Variants in TBC1D5 observed in about 807,000 individuals in gnomAD.
TBC1D5 encodes the protein TBC1 domain family member 5, also known as TBC1 domain family, member 5.
Under a neutral mutation model 100.3 loss-of-function variants are expected in TBC1D5, and 75 were observed. The ratio of observed to expected loss-of-function variants is 0.75; its 90% CI spans 0.62 to 0.91. TBC1D5 has a LOEUF of 0.91. TBC1D5 is among the 40% of genes least tolerant of loss of function. TBC1D5 has a pLI of 0.00. For missense variants in TBC1D5, 910 were observed against 942.4 expected (o/e 0.97, Z 0.45); for synonymous variants, 323 against 325.6 (o/e 0.99, Z 0.09).
intron 3 of TBC1D5, among the ~76,000 whole-genome samples, chr3:17,440,806 A>C (rs773541606): frequency 2.0e-5 from 3 of 151,884 alleles, no homozygotes; most frequent in Non-Finnish European, 2.9e-5. Context: ...CATGCCCAGC[A>C]AATTTTTATA....
At chr3:17,410,776 A>G (rs1278583193) in intron 4 of TBC1D5, among the ~76,000 whole-genome samples, 1 of 152,176 alleles carries the variant, frequency 6.6e-6, no homozygotes, top group East Asian at 1.9e-4. Context: ...ATAATCTCAT[A>G]TATATAAAAC....
chr3:17,257,737 G>A (rs2077849478), intron 16 of TBC1D5, among the ~76,000 whole-genome samples: 1 of 152,162 alleles, frequency 6.6e-6, no homozygotes, highest in South Asian at 2.1e-4. Flanking sequence ...AACACATTGT[G>A]TATATGTATT....
At chr3:17,498,020 T>C (rs2095736422) in intron 3 of TBC1D5, among the ~76,000 whole-genome samples, 1 of 152,148 alleles carries the variant, frequency 6.6e-6, no homozygotes, top group African/African-American at 2.4e-5. Flanking sequence ...TAAATTATAT[T>C]CTAAATACTG....
At chr3:17,733,000 G>A (rs908239971) in intron 1 of TBC1D5, among the ~76,000 whole-genome samples, 2 of 152,120 alleles carry the variant, frequency 1.3e-5, no homozygotes, top group Admixed American at 1.3e-4. Context: ...AAAGCATATA[G>A]TACTCCTGAT....
chr3:17,487,438 T>G (rs1576309137), intron 3 of TBC1D5, among the ~76,000 whole-genome samples: 1 of 152,200 alleles, frequency 6.6e-6, no homozygotes, highest in African/African-American at 2.4e-5. Flanking sequence ...CTTTGCTCAC[T>G]AATTAACAAG....
chr3:17,338,310 C>G (rs936301981), intron 13 of TBC1D5: 1 of 152,114 alleles, frequency 6.6e-6, no homozygotes, highest in Non-Finnish European at 1.5e-5. Flanking sequence ...CAGAAAAGCG[C>G]AGAGAAAACA....
At chr3:17,684,701 CTT>C (rs1015179596) in intron 1 of TBC1D5, among the ~76,000 whole-genome samples, 14 of 151,960 alleles carry the variant, frequency 9.2e-5, no homozygotes, top group Admixed American at 3.9e-4. Flanking sequence ...TTATAAAGCT[CTT>C]TGTCCATTTT....
At chr3:17,708,436 A>C (rs781227975) in intron 1 of TBC1D5, among the ~76,000 whole-genome samples, 1 of 152,198 alleles carries the variant, frequency 6.6e-6, no homozygotes, top group Non-Finnish European at 1.5e-5. Context: ...CTTTCTGTAC[A>C]AGTTTCTTTG....
At chr3:17,457,726 C>T (rs2095120596) in intron 3 of TBC1D5, among the ~76,000 whole-genome samples, 2 of 151,654 alleles carry the variant, frequency 1.3e-5, no homozygotes, top group Non-Finnish European at 1.5e-5. Flanking sequence ...CGTTCATATG[C>T]TTTTAACTTT....
rs7616796 is a variant in TBC1D5 at position 17,375,556 on chromosome 3, C to G, written c.702-877G>C. Among the ~76,000 whole-genome samples the G allele has an allele frequency of 1.0e-3, 148 of 145,574 alleles. 1 individual carries two copies. Among genetic ancestry groups the G allele is most frequent in the African/African-American group, 3.6e-3 (138 of 37,980 alleles). ...CATAGAGCAAGACTCTGTCTCAAAA[C>G]ATAAAATTTAAAAAAAAAAAAGGCA... is the stretch of plus-strand genomic sequence containing the variant. On this transcript the variant is annotated intron_variant, in intron 10 of 21. Coordinates refer to ENST00000253692, the Ensembl canonical transcript of TBC1D5.
chr3:17,431,061 TAATAA>T (rs1325617654), intron 3 of TBC1D5, among the ~76,000 whole-genome samples: 1 of 151,944 alleles, frequency 6.6e-6, no homozygotes, highest in Non-Finnish European at 1.5e-5. Context: ...GAGGTAAGTA[TAATAA>T]AATAAGTATT....
intron 13 of TBC1D5, among the ~76,000 whole-genome samples, chr3:17,323,356 C>T (rs1180915492): frequency 6.6e-6 from 1 of 152,094 alleles, no homozygotes; most frequent in Admixed American, 6.6e-5. Flanking sequence ...CACAAATATT[C>T]TTCACAAAAT....
At chr3:17,388,351 C>A (rs1470788190) in intron 8 of TBC1D5, among the ~76,000 whole-genome samples, 1 of 151,974 alleles carries the variant, frequency 6.6e-6, no homozygotes, top group Admixed American at 6.6e-5. Flanking sequence ...AAAAATCTTT[C>A]ATTATGGAAA....
chr3:17,678,919 A>T (rs1193256131), intron 1 of TBC1D5, among the ~76,000 whole-genome samples: 1 of 151,300 alleles, frequency 6.6e-6, no homozygotes, highest in Non-Finnish European at 1.5e-5. Context: ...TGGATTTCTC[A>T]GTAGTAACAC....
chr3:17,170,542 A>G (rs925876229), intron 19 of TBC1D5, among the ~76,000 whole-genome samples: 3 of 152,160 alleles, frequency 2.0e-5, no homozygotes, highest in African/African-American at 4.8e-5. Flanking sequence ...GCTGTGGAAC[A>G]CATCCTAAAA....
chr3:17,282,368 T>C (rs943734674), intron 15 of TBC1D5, among the ~76,000 whole-genome samples: 1 of 152,228 alleles, frequency 6.6e-6, no homozygotes, highest in Non-Finnish European at 1.5e-5. Context: ...AGTAGTCTAT[T>C]TAAAATAAAT....
chr3:17,329,258 C>A (rs1205522218), intron 13 of TBC1D5, among the ~76,000 whole-genome samples: 3 of 152,086 alleles, frequency 2.0e-5, no homozygotes, highest in Non-Finnish European at 4.4e-5. Context: ...TGTCATCCAC[C>A]AACATGAATG....
chr3:17,729,761 A>C (rs1044408548), intron 1 of TBC1D5, among the ~76,000 whole-genome samples: 1 of 152,144 alleles, frequency 6.6e-6, no homozygotes, highest in Non-Finnish European at 1.5e-5. Context: ...GCAATAAAGA[A>C]CATTAAGTAA....
chr3:17,721,234 T>G (rs887172118), intron 1 of TBC1D5, among the ~76,000 whole-genome samples: 1 of 152,190 alleles, frequency 6.6e-6, no homozygotes, highest in Non-Finnish European at 1.5e-5. Context: ...AAATATTTTA[T>G]AGAAATAAGT....
Sources: allele counts gnomAD v4.1 joint callset (sites outside exome capture counted in the v4.1 genomes callset), GRCh38; gene constraint gnomAD v4.1.1; transcripts MANE v1.5; gene names NCBI Gene and HGNC (gene_info 2026-07-23, HGNC 2026-07-21).